ZMAT4: variants seen among roughly 807,000 people sequenced by gnomAD.
ZMAT4 encodes zinc finger matrin-type 4, also known as zinc finger matrin-type protein 4.
A neutral mutation model predicts 28.7 loss-of-function variants in ZMAT4; 17 were observed. The observed-to-expected ratio is 0.59, with a 90% CI of 0.41 to 0.89. ZMAT4 has a LOEUF of 0.89. ZMAT4 is among the 40% of genes least tolerant of loss of function. The probability of loss-of-function intolerance (pLI) is 0.00; values close to 1 mark genes in which losing one functional copy is unlikely to be tolerated. For missense variants in ZMAT4, 240 were observed against 283.8 expected, an observed-to-expected ratio of 0.85 and a Z score of 1.11; for synonymous variants, 117 against 109.2, an observed-to-expected ratio of 1.07 and a Z score of -0.44.
chr8:40,705,759 T>C (rs552714086), intron 3 of ZMAT4, among the ~76,000 whole-genome samples: 15 of 152,352 alleles, frequency 9.8e-5, no homozygotes, highest in African/African-American at 2.9e-4. Context: ...CTTGGCATTT[T>C]TCAATAATAT....
rs560981902 is a variant in ZMAT4, at chr8:40,864,756, G to A, written c.-5+32927C>T. Reference sequence around the variant, plus strand: ...TAAGTTCAGCAAAAACATAGAGAGAGCCTCTAGCATGTGAGGAGATGGCTG... The same window carrying A: ...TAAGTTCAGCAAAAACATAGAGAGAACCTCTAGCATGTGAGGAGATGGCTG... On this transcript the variant is annotated intron_variant, in intron 1 of 6. Coordinates refer to ENST00000297737, the MANE Select transcript of ZMAT4 (RefSeq NM_024645.3). Among the ~76,000 whole-genome samples the A allele has an allele frequency of 2.0e-5, 3 of 152,310 alleles. No homozygotes were observed. The South Asian group carries it at 6.2e-4, about 32-fold the overall frequency.
At chr8:40,822,769 G>A (rs968149621) in intron 2 of ZMAT4, among the ~76,000 whole-genome samples, 1 of 152,220 alleles carries the variant, frequency 6.6e-6, no homozygotes, top group Non-Finnish European at 1.5e-5. Flanking sequence ...CTGCCTGGAA[G>A]AAGGGAGGGA....
chr8:40,754,326 G>T (rs1812583879), intron 3 of ZMAT4, among the ~76,000 whole-genome samples: 1 of 152,114 alleles, frequency 6.6e-6, no homozygotes, highest in African/African-American at 2.4e-5. Context: ...TCTCCACCAG[G>T]GAAAACAATT....
intron 6 of ZMAT4, among the ~76,000 whole-genome samples, chr8:40,559,406 C>G (rs969960970): frequency 2.0e-5 from 3 of 152,066 alleles, no homozygotes; most frequent in Admixed American, 1.3e-4. Flanking sequence ...TACTGAACCC[C>G]TTCATGAATA....
intron 3 of ZMAT4, among the ~76,000 whole-genome samples, chr8:40,744,725 C>G (rs977687445): frequency 1.3e-5 from 2 of 152,164 alleles, no homozygotes; most frequent in African/African-American, 4.8e-5. Context: ...GATAGACCCC[C>G]ACCTTCGGCT....
chr8:40,785,100 A>G (rs765044333), intron 2 of ZMAT4, among the ~76,000 whole-genome samples: 7 of 152,192 alleles, frequency 4.6e-5, no homozygotes, highest in Non-Finnish European at 8.8e-5. Flanking sequence ...GCGTTTGCTG[A>G]TTCTCACCCC....
intron 6 of ZMAT4, among the ~76,000 whole-genome samples, chr8:40,562,089 T>C (rs1803762775): frequency 6.6e-6 from 1 of 152,222 alleles, no homozygotes; most frequent in Non-Finnish European, 1.5e-5. Context: ...TCCCTGGCTT[T>C]AACTTGTACC....
intron 5 of ZMAT4, among the ~76,000 whole-genome samples, chr8:40,626,847 G>A (rs1806400053): frequency 6.6e-6 from 1 of 152,184 alleles, no homozygotes; most frequent in Admixed American, 6.5e-5. Context: ...TGCACACAGA[G>A]AAGCTACAGT....
chr8:40,640,185 C>G (rs930774242), intron 5 of ZMAT4, among the ~76,000 whole-genome samples: 1 of 152,074 alleles, frequency 6.6e-6, no homozygotes, highest in African/African-American at 2.4e-5. Context: ...CCTAAGCTGT[C>G]CAGGCTGGTC....
chr8:40,884,632 C>G (rs985882556), intron 1 of ZMAT4: 3 of 152,288 alleles, frequency 2.0e-5, no homozygotes, highest in Non-Finnish European at 2.9e-5. Context: ...CAGGATTTGA[C>G]CCAGCAGATC....
intron 1 of ZMAT4, among the ~76,000 whole-genome samples, chr8:40,860,551 G>A (rs1817452043): frequency 6.6e-6 from 1 of 152,164 alleles, no homozygotes; most frequent in Non-Finnish European, 1.5e-5. Flanking sequence ...AGAGCCACAG[G>A]GTGAGAATAG....
intron 3 of ZMAT4, 149 bp from the exon 4 acceptor site, chr8:40,697,550 C>A: frequency 1.1e-6 from 1 of 906,482 alleles, no homozygotes; most frequent in Non-Finnish European, 1.5e-6. Context: ...TTTCTACTCT[C>A]TTCTTTTTTA....
intron 5 of ZMAT4, among the ~76,000 whole-genome samples, chr8:40,629,445 G>A (rs977638838): frequency 1.3e-5 from 2 of 150,176 alleles, no homozygotes; most frequent in African/African-American, 4.9e-5. Context: ...TAGGGTACAT[G>A]TGCACAACAT....
At chr8:40,601,872 CTT>C (rs1805407004) in intron 5 of ZMAT4, among the ~76,000 whole-genome samples, 1 of 152,050 alleles carries the variant, frequency 6.6e-6, no homozygotes, top group Non-Finnish European at 1.5e-5. Context: ...TTTTTATTGA[CTT>C]TTAATTTTTT....
At chr8:40,580,323 T>C (rs985239088) in intron 6 of ZMAT4, among the ~76,000 whole-genome samples, 1 of 152,128 alleles carries the variant, frequency 6.6e-6, no homozygotes, top group African/African-American at 2.4e-5. Context: ...ATTCATCTTT[T>C]CTTCCCTAGT....
chr8:40,845,158 C>A (rs1279062770), intron 1 of ZMAT4, among the ~76,000 whole-genome samples: 1 of 152,204 alleles, frequency 6.6e-6, no homozygotes, highest in African/African-American at 2.4e-5. Flanking sequence ...TACAACTTCA[C>A]CTTTCAGTGA....
At chr8:40,744,139 T>C (rs1048464748) in intron 3 of ZMAT4, among the ~76,000 whole-genome samples, 27 of 152,136 alleles carry the variant, frequency 1.8e-4, no homozygotes, top group Admixed American at 5.2e-4. Context: ...TTATGACAAG[T>C]CCCCTCCGTG....
intron 5 of ZMAT4, among the ~76,000 whole-genome samples, chr8:40,587,285 C>G (rs1038243044): frequency 5.3e-5 from 8 of 152,060 alleles, no homozygotes; most frequent in African/African-American, 1.9e-4. Context: ...TAGAGGTCTT[C>G]TGGTGGAGGG....
At chr8:40,770,734 G>A (rs909565412) in intron 2 of ZMAT4, among the ~76,000 whole-genome samples, 1 of 151,942 alleles carries the variant, frequency 6.6e-6, no homozygotes, top group African/African-American at 2.4e-5. Context: ...TTGTAGTAGA[G>A]ACAGGGTTTC....
Sources: allele counts gnomAD v4.1 joint callset (sites outside exome capture counted in the v4.1 genomes callset), GRCh38; gene constraint gnomAD v4.1.1; transcripts MANE v1.5; gene names NCBI Gene and HGNC (gene_info 2026-07-23, HGNC 2026-07-21).